THRAP3: variants seen among roughly 807,000 people sequenced by gnomAD.
The protein encoded by THRAP3 is thyroid hormone receptor associated protein 3.
THRAP3 carries 16 observed loss-of-function variants against 101.0 expected under a neutral mutation model. The observed-to-expected ratio is 0.16, with a 90% confidence interval of 0.11 to 0.24. THRAP3 has a LOEUF of 0.24. Ranked by LOEUF, THRAP3 falls within the 10% of genes least tolerant of loss-of-function variation. The probability of loss-of-function intolerance (pLI) is 1.00; values close to 1 mark genes in which losing one functional copy is unlikely to be tolerated. For synonymous variants in THRAP3, 407 were observed against 422.6 expected, an observed-to-expected ratio of 0.96 and a Z score of 0.45; for missense variants, 989 against 1,202.7, an observed-to-expected ratio of 0.82 and a Z score of 2.63.
intron 1 of THRAP3, among the ~76,000 whole-genome samples, chr1:36,226,392 T>C (rs1416616051): frequency 6.6e-6 from 1 of 152,138 alleles, no homozygotes; most frequent in Non-Finnish European, 1.5e-5. Context: ...CCTGAGTAGC[T>C]GGGATTACAG....
chr1:36,282,396 A>ATT (rs34708418), intron 2 of THRAP3, 137 bp from the exon 3 acceptor site: 495 of 499,676 alleles, frequency 9.9e-4, no homozygotes, highest in East Asian at 2.4e-3. Context: ...TTAAAAAAAA[A>ATT]TTTTTTTTTT....
chr1:36,286,654 C>G lies in THRAP3; in HGVS notation c.424C>G (p.His142Asp). The G allele has an allele frequency of 6.2e-7, 1 of 1,614,170 alleles. No individual in the cohort carries two copies. Among genetic ancestry groups the G allele is most frequent in the Non-Finnish European group, 8.5e-7 (1 of 1,180,036 alleles). The change falls in exon 4 of 12, where the codon CAT becomes GAT. Residue 142 changes from histidine to aspartate, a missense_variant. Transcript: ENST00000354618. The surrounding 1 kb of genome is among the most constrained non-coding windows in gnomAD (Gnocchi z 5.5). ...RRSPSPRSRS[H>D]SRNSDKSSSD... ...GTCCCCTTCACCAAGGTCCAGGAGC[C>G]ATTCTAGAAACTCTGATAAGTCGTC...
At position 36,267,540 on chromosome 1, in the gene THRAP3, T is replaced by C. The variant is rs543450403; in HGVS notation, c.-32+8056T>C. Among the ~76,000 whole-genome samples the C allele has an allele frequency of 4.6e-5, 7 of 152,364 alleles. No individual in the cohort carries two copies. In the South Asian group the frequency reaches 1.0e-3, roughly 23 times the overall value. On this transcript the variant is annotated intron_variant, in intron 2 of 11. Coordinates refer to ENST00000354618, the MANE Select transcript of THRAP3 (RefSeq NM_005119.4). ...ACTTGTTTGGCAGCGGTTATGTTTTTCAGCTTCTTACCTACTAGTGTAGTG... is the reference window on the plus strand; with the variant it reads ...ACTTGTTTGGCAGCGGTTATGTTTTCCAGCTTCTTACCTACTAGTGTAGTG...
At chr1:36,289,019 A>T in intron 4 of THRAP3, 41 bp from the exon 5 acceptor site, 1 of 1,516,492 alleles carries the variant, frequency 6.6e-7, no homozygotes, top group Non-Finnish European at 8.8e-7. Context: ...GCATGCTGTT[A>T]AGAAGCCTCT....
chr1:36,259,608 TAA>T (rs775594100), intron 2 of THRAP3, 124 bp downstream of exon 2: 14 of 382,452 alleles, frequency 3.7e-5, no homozygotes, highest in Non-Finnish European at 6.0e-5. Context: ...CTACAAAAAA[TAA>T]AAAAATTTAA....
chr1:36,218,721 CA>C, the THRAP3 span, among the ~76,000 whole-genome samples: 3 of 147,558 alleles, frequency 2.0e-5, no homozygotes, highest in African/African-American at 5.0e-5. Flanking sequence ...GACTCTGTTT[CA>C]AAAAAAAAGG....
chr1:36,213,433 C>T, the THRAP3 span, among the ~76,000 whole-genome samples: 1 of 152,076 alleles, frequency 6.6e-6, no homozygotes, highest in Non-Finnish European at 1.5e-5. Context: ...GTAGAAGATT[C>T]AGTAGATGTT....
rs374538181 is a variant in THRAP3 at position 36,289,399 on chromosome 1, C to G, written c.1380C>G (p.Asn460Lys). Reference sequence around the variant, plus strand: ...TTATGTCTAAAGTCATAGGTGCAAACAAAAACCAGGAGGAGGAGAAGTCAG... The same window carrying G: ...TTATGTCTAAAGTCATAGGTGCAAAGAAAAACCAGGAGGAGGAGAAGTCAG... ...PKFMSKVIGANKNQEEEKSGK... is the reference protein window; with the variant it reads ...PKFMSKVIGAKKNQEEEKSGK... Residue 460 changes from asparagine (N) to lysine (K), a missense_variant, in exon 5 of 12, where the codon AAC becomes AAG. By Grantham distance (94) the Asn-to-Lys change is moderately conservative (BLOSUM62 0). Transcript: ENST00000354618. The G allele has an allele frequency of 1.4e-5, 23 of 1,613,886 alleles. No homozygotes were observed. The highest frequency in any genetic ancestry group is 1.7e-5 in the Non-Finnish European group (20 of 1,180,024).
At chr1:36,225,500 A>C (rs1644951491) in intron 1 of THRAP3, 2 of 152,226 alleles carry the variant, frequency 1.3e-5, no homozygotes, top group African/African-American at 2.4e-5. Context: ...GTTATTGTGG[A>C]GACTAAATGA....
intron 10 of THRAP3, 123 bp downstream of exon 10, chr1:36,301,207 T>G: frequency 2.0e-6 from 2 of 1,010,014 alleles, no homozygotes; most frequent in Non-Finnish European, 2.9e-6. Flanking sequence ...GACCCTGGAA[T>G]CTTTGGTTCT....
intron 2 of THRAP3, among the ~76,000 whole-genome samples, chr1:36,268,191 A>G (rs928230170): frequency 1.4e-4 from 21 of 152,082 alleles, no homozygotes; most frequent in African/African-American, 5.1e-4. Flanking sequence ...CAAAAAAAAA[A>G]AGAAAGGAAT....
chr1:36,235,919 A>G (rs537577498), intron 1 of THRAP3, among the ~76,000 whole-genome samples: 1 of 152,190 alleles, frequency 6.6e-6, no homozygotes, highest in Non-Finnish European at 1.5e-5. Flanking sequence ...TGAGTTTCAA[A>G]AAAGTCCAGG....
the THRAP3 span, among the ~76,000 whole-genome samples, chr1:36,208,828 A>G: frequency 6.6e-6 from 1 of 151,736 alleles, no homozygotes; most frequent in South Asian, 2.1e-4. Flanking sequence ...CACCATGCCC[A>G]GCTAATTTTT....
At chr1:36,220,972 A>AAAAAAAAATATATATATAT (rs1285765741), upstream of THRAP3, among the ~76,000 whole-genome samples, 1 of 94,142 alleles carries the variant, frequency 1.1e-5, no homozygotes, top group African/African-American at 4.8e-5. Flanking sequence ...AAAAAAAAAA[A>AAAAAAAAATATATATATAT]ATATATATAT....
At position 36,286,849 on chromosome 1, in the gene THRAP3, T is replaced by C; in HGVS notation, c.619T>C (p.Ser207Pro). The change falls in exon 4 of 12, where the codon TCT (serine) becomes CCT (proline). Residue 207 changes from serine (S) to proline (P), a missense_variant. By Grantham distance (74) the Ser-to-Pro change is moderately conservative. Transcript: ENST00000354618. This position sits in a 1 kb window ranked among gnomAD's most constrained non-coding sequence, Gnocchi z 5.5. ...AGATGAGGCCAAGGAGCAGACATTC[T>C]CTGGAGGCACCTCTCAAGATACAAA... ...QGDEAKEQTFSGGTSQDTKAS... is the reference protein window; with the variant it reads ...QGDEAKEQTFPGGTSQDTKAS... 1 of 1,614,152 alleles carries C rather than the reference T, an allele frequency of 6.2e-7. No individual in the cohort carries two copies.
upstream of THRAP3, among the ~76,000 whole-genome samples, chr1:36,221,658 A>G (rs910793433): frequency 6.6e-6 from 1 of 152,206 alleles, no homozygotes; most frequent in Non-Finnish European, 1.5e-5. Context: ...ATCTAAGCTC[A>G]CTGCAACCTC....
chr1:36,235,770 G>A (rs1286225482), intron 1 of THRAP3, among the ~76,000 whole-genome samples: 1 of 152,034 alleles, frequency 6.6e-6, no homozygotes, highest in African/African-American at 2.4e-5. Context: ...AATCATTACA[G>A]TATTATTTAT....
intron 5 of THRAP3, 60 bp from the exon 6 acceptor site, chr1:36,291,314 G>C: frequency 6.6e-7 from 1 of 1,517,174 alleles, no homozygotes; most frequent in Non-Finnish European, 8.9e-7. Context: ...TATTTTTATG[G>C]TTTTAATGTT....
At chr1:36,218,403 A>G in the THRAP3 span, among the ~76,000 whole-genome samples, 25 of 127,082 alleles carry the variant, frequency 2.0e-4, 1 homozygote, top group Non-Finnish European at 1.6e-5. Context: ...CAACACAGCC[A>G]GACTCTGTCT....
Sources: allele counts gnomAD v4.1 joint callset (sites outside exome capture counted in the v4.1 genomes callset), GRCh38; gene constraint gnomAD v4.1.1; non-coding constraint Gnocchi (gnomAD v3.1); transcripts MANE v1.5; gene names NCBI Gene and HGNC (gene_info 2026-07-23, HGNC 2026-07-21).